Variants in ATRN observed in about 807,000 individuals in gnomAD.
ATRN encodes attractin, also known as attractin-2.
In ATRN, 54 loss-of-function variants were observed where a neutral mutation model predicts 178.7. The ratio of observed to expected loss-of-function variants is 0.30; its 90% confidence interval spans 0.24 to 0.38. ATRN has a LOEUF of 0.38. ATRN is among the 10% of genes least tolerant of loss of function. The pLI is 1.00. For missense variants in ATRN, 1,443 were observed against 1,815.1 expected, an observed-to-expected ratio of 0.79 and a Z score of 3.73; for synonymous variants, 636 against 663.0, an observed-to-expected ratio of 0.96 and a Z score of 0.63.
In ATRN at chr20:3,510,371, A is replaced by G. The variant is rs1600055434; in HGVS notation, c.411-24882A>G. On this transcript the variant is annotated intron_variant, in intron 1 of 28. Transcript: ENST00000262919. ...AATCACCTCTGCTGTTGTAGAGAGA[A>G]GCAGCCATTGACTATAAGTATGTGA... is the stretch of plus-strand genomic sequence containing the variant. 5.3e-5 allele frequency among the ~76,000 whole-genome samples: 8 copies of G among 152,360 alleles called. No homozygotes were observed. The South Asian group carries it at 1.7e-3, about 32-fold the overall frequency.
At chr20:3,551,428 C>T (rs1484126283) in intron 6 of ATRN, among the ~76,000 whole-genome samples, 1 of 152,160 alleles carries the variant, frequency 6.6e-6, no homozygotes, top group Non-Finnish European at 1.5e-5. Context: ...ACTGAGACCA[C>T]CTTTTTACTT....
intron 25 of ATRN, among the ~76,000 whole-genome samples, chr20:3,630,472 CA>C (rs2086981328): frequency 6.6e-6 from 1 of 151,992 alleles, no homozygotes; most frequent in Admixed American, 6.6e-5. Context: ...ACCAACCTCT[CA>C]GGGAAAAAAG....
At chr20:3,621,547 G>T (rs235520) in intron 24 of ATRN, among the ~76,000 whole-genome samples, 2 of 152,172 alleles carry the variant, frequency 1.3e-5, no homozygotes, top group African/African-American at 4.8e-5. Context: ...GTTTCTTGGA[G>T]TGTGGAGTAT....
intron 18 of ATRN, among the ~76,000 whole-genome samples, chr20:3,585,144 G>A (rs1411212409): frequency 6.6e-6 from 1 of 152,196 alleles, no homozygotes; most frequent in Non-Finnish European, 1.5e-5. Flanking sequence ...CAATGTGTCT[G>A]TGGGTTTCTA....
At position 3,535,280 on chromosome 20, in the gene ATRN, A is replaced by G. The variant is rs1312590203; in HGVS notation, c.438A>G (p.Thr146=). Residue 146 remains threonine, a synonymous_variant, in exon 2 of 29, where the codon ACA becomes ACG. Coordinates refer to ENST00000262919, the MANE Select transcript of ATRN (RefSeq NM_139321.3). ...FRLTGSSGFV[T]DGPGNYKYKT... ...TAACTGGATCTTCTGGGTTTGTGACAGATGGACCTGGAAATTATAAATACA... is the reference window on the plus strand; with the variant it reads ...TAACTGGATCTTCTGGGTTTGTGACGGATGGACCTGGAAATTATAAATACA... The G allele has an allele frequency of 6.5e-7, 1 of 1,543,804 alleles. No homozygotes were observed. The highest frequency in any genetic ancestry group is 8.8e-7 in the Non-Finnish European group (1 of 1,137,746).
At chr20:3,512,082 C>A (rs1415190871) in intron 1 of ATRN, among the ~76,000 whole-genome samples, 87 of 92,950 alleles carry the variant, frequency 9.4e-4, no homozygotes, top group Non-Finnish European at 1.4e-3. Flanking sequence ...GTTCTTTTTT[C>A]TTTTATATAT....
intron 25 of ATRN, among the ~76,000 whole-genome samples, chr20:3,631,432 C>T (rs1309595862): frequency 2.6e-5 from 4 of 152,014 alleles, no homozygotes; most frequent in East Asian, 1.9e-4. Context: ...TTCCAGACTC[C>T]GGGCACAGAA....
chr20:3,645,795 C>T lies in ATRN; in HGVS notation c.4166-928C>T, dbSNP rs2087103223. Among the ~76,000 whole-genome samples, 1 of 151,164 alleles carries T rather than the reference C, an allele frequency of 6.6e-6. No individual in the cohort carries two copies. The highest frequency in any genetic ancestry group is 2.4e-5 in the African/African-American group (1 of 41,034). ...TTCACAGGCTCAACAAGGCAAGTAA[C>T]ACGCTCCACTAACACAACTCCTGGC... On this transcript the variant is annotated intron_variant, in intron 28 of 28. Transcript: ENST00000262919. This position sits in a 1 kb window ranked among gnomAD's most constrained non-coding sequence, Gnocchi z 4.7.
intron 1 of ATRN, among the ~76,000 whole-genome samples, chr20:3,508,194 T>C (rs1479773853): frequency 1.3e-5 from 2 of 151,530 alleles, no homozygotes; most frequent in Non-Finnish European, 2.9e-5. Context: ...GTTTTAAAAA[T>C]TTATTTTCTT....
chr20:3,512,959 GT>G (rs1295078543), intron 1 of ATRN, among the ~76,000 whole-genome samples: 3 of 151,946 alleles, frequency 2.0e-5, no homozygotes, highest in South Asian at 2.1e-4. Flanking sequence ...GGGGTTGTTT[GT>G]TTTTTTCTTG....
In ATRN at chr20:3,563,326, C is replaced by T; in HGVS notation, c.1749C>T (p.Ala583=). Residue 583 remains alanine (A), a synonymous_variant, in exon 10 of 29, where the codon GCC becomes GCT. Coordinates refer to ENST00000262919, the MANE Select transcript of ATRN (RefSeq NM_139321.3). ...THNDTSMSHG[A]KCFSSDFMAY... is the part of the protein sequence containing the mutation. ...ATGACACATCTATGAGCCATGGCGCCAAATGCTTCTCTTCAGATTTCATGG... is the reference window on the plus strand; with the variant it reads ...ATGACACATCTATGAGCCATGGCGCTAAATGCTTCTCTTCAGATTTCATGG... The T allele has an allele frequency of 6.2e-7, 1 of 1,614,092 alleles. No homozygotes were observed. The highest frequency in any genetic ancestry group is 8.5e-7 in the Non-Finnish European group (1 of 1,179,986).
intron 25 of ATRN, among the ~76,000 whole-genome samples, chr20:3,631,849 A>T (rs2086991921): frequency 6.6e-6 from 1 of 152,188 alleles, no homozygotes; most frequent in Admixed American, 6.5e-5. Context: ...TTAGAATAAA[A>T]ATAACAAAAA....
chr20:3,615,542 T>C (rs1053062918), intron 24 of ATRN, among the ~76,000 whole-genome samples: 1 of 149,588 alleles, frequency 6.7e-6, no homozygotes, highest in African/African-American at 2.4e-5. Context: ...TTAATTCTTT[T>C]CTTTTTTCTT....
chr20:3,628,898 A>G (rs1282266609), intron 25 of ATRN: 1 of 984,842 alleles, frequency 1.0e-6, no homozygotes, highest in East Asian at 1.1e-4. Context: ...ATTTTTTCCC[A>G]GACCTTGACC....
chr20:3,492,183 G>GTGTGTA (rs1338839839), intron 1 of ATRN, among the ~76,000 whole-genome samples: 2 of 151,362 alleles, frequency 1.3e-5, no homozygotes, highest in East Asian at 1.9e-4. Flanking sequence ...GTGTGTGTGT[G>GTGTGTA]TGTGTGTGTG....
chr20:3,554,305 T>TTTTATTTA (rs10626066), intron 6 of ATRN, among the ~76,000 whole-genome samples: 39,839 of 139,018 alleles, frequency 0.29, 6,191 homozygotes, highest in East Asian at 0.5. Context: ...GATTACAGAT[T>TTTTATTTA]TTTATTTATT....
intron 14 of ATRN, among the ~76,000 whole-genome samples, chr20:3,577,755 G>T (rs2086231713): frequency 6.6e-6 from 1 of 152,134 alleles, no homozygotes; most frequent in South Asian, 2.1e-4. Context: ...GGCATATTCT[G>T]GTGCAAGTGT....
At position 3,484,909 on chromosome 20, in the gene ATRN, AATTATTATTATTATT is replaced by A. The variant is rs11470490; in HGVS notation, c.410+13417_410+13431del. On this transcript the variant is annotated intron_variant, in intron 1 of 28. Coordinates refer to ENST00000262919, the MANE Select transcript of ATRN (RefSeq NM_139321.3). ...TATAGTACCTAGGAATGGATTTTAA[AATTATTATTATTATT>A]ATTATTATTATTATTATTATTATTG... Among the ~76,000 whole-genome samples the A allele has an allele frequency of 2.0e-3, 286 of 143,970 alleles. 1 individual carries two copies. Among genetic ancestry groups the A allele is most frequent in the African/African-American group, 6.4e-3 (251 of 39,176 alleles). The allele number at this position is 143,970 out of a possible 152,430, so 94.4% of individuals were successfully genotyped here. A position where few individuals can be genotyped will look rare whatever the true frequency, so the allele number is the denominator to read the frequency against.
chr20:3,601,402 A>T (rs1371230448), intron 23 of ATRN, among the ~76,000 whole-genome samples: 2 of 152,126 alleles, frequency 1.3e-5, no homozygotes, highest in South Asian at 2.1e-4. Flanking sequence ...GGAAGTGAAA[A>T]ATTCAAATGA....
Sources: allele counts gnomAD v4.1 joint callset (sites outside exome capture counted in the v4.1 genomes callset), GRCh38; gene constraint gnomAD v4.1.1; non-coding constraint Gnocchi (gnomAD v3.1); transcripts MANE v1.5; gene names NCBI Gene and HGNC (gene_info 2026-07-23, HGNC 2026-07-21).